Variants in UNC45A observed in about 807,000 individuals in gnomAD.
UNC45A encodes unc-45 myosin chaperone A, also known as protein unc-45 homolog A.
In UNC45A, 78 loss-of-function variants were observed where a neutral mutation model predicts 103.2. That is an observed-to-expected ratio of 0.76 (90% CI 0.63 to 0.91). The LOEUF (loss-of-function observed/expected upper bound fraction) is 0.91, where lower values mean the gene tolerates loss of function less well. Ranked by LOEUF, UNC45A falls within the 40% of genes least tolerant of loss-of-function variation. The pLI is 0.00. For missense variants in UNC45A, 1,193 were observed against 1,224.8 expected, an observed-to-expected ratio of 0.97 and a Z score of 0.39; for synonymous variants, 495 against 504.6, an observed-to-expected ratio of 0.98 and a Z score of 0.25.
chr15:90,941,913 C>A lies in UNC45A; in HGVS notation c.688-524C>A, dbSNP rs767007044. Among the ~76,000 whole-genome samples the A allele has an allele frequency of 8.4e-4, 125 of 148,710 alleles. 2 individuals are homozygous for A. The highest frequency in any genetic ancestry group is 2.8e-4 in the Non-Finnish European group (19 of 67,554). Reference sequence around the variant, plus strand: ...GGTGGAGCTTGCAGTGAGCCCAGATCGCGCTACTGCACTCCAGCCTGGGCG... The same window carrying A: ...GGTGGAGCTTGCAGTGAGCCCAGATAGCGCTACTGCACTCCAGCCTGGGCG... On this transcript the variant is annotated intron_variant, in intron 6 of 19. Transcript: ENST00000418476.
At chr15:90,940,538 C>T (rs2036240727) in intron 6 of UNC45A, 65 bp downstream of exon 6, 1 of 1,547,658 alleles carries the variant, frequency 6.5e-7, no homozygotes. Flanking sequence ...TCCATTCCTC[C>T]ATCCACCCAT....
intron 17 of UNC45A, chr15:90,952,233 C>G (rs1234264131): frequency 6.6e-6 from 1 of 152,246 alleles, no homozygotes; most frequent in Non-Finnish European, 1.5e-5. Flanking sequence ...ATACCTGAGA[C>G]TGGGTAATTT....
Position 90,948,698 on chromosome 15 carries a change from G to A in UNC45A, c.1782G>A (p.Val594=). 1 of 1,614,026 alleles carries A rather than the reference G, an allele frequency of 6.2e-7. No homozygotes were observed. The highest frequency in any genetic ancestry group is 8.5e-7 in the Non-Finnish European group (1 of 1,180,016). Residue 594 remains valine (V), a synonymous_variant, in exon 13 of 20, where the codon GTG becomes GTA. Transcript: ENST00000418476. The part of the protein sequence containing the change: ...SVLFAVASAL[V]NCTNSYDYEE... ...TCTTTGCGGTGGCCTCAGCGCTGGT[G>A]AACTGCACCAACAGCTATGACTACG...
rs187993840 is a variant in UNC45A at position 90,953,910 on chromosome 15, G to A, written c.*194G>A. ...CACACAGCCCTGCTTGGCCAGCACT[G>A]CCTGCAGCCTCACTCAGAGGGGCCC... On this transcript the variant is annotated 3_prime_UTR_variant, in exon 20 of 20. Transcript: ENST00000418476. The A allele has an allele frequency of 4.3e-5, 32 of 750,504 alleles. No homozygotes were observed. The East Asian group carries it at 8.7e-4, about 21-fold the overall frequency. 46.5% of individuals were successfully genotyped at this position (750,504 alleles called of 1,614,324 possible). A position where few individuals can be genotyped will look rare whatever the true frequency, so the allele number is the denominator to read the frequency against.
Position 90,939,733 on chromosome 15 carries a change from G to A in UNC45A, c.429G>A (p.Val143=). 6.2e-7 allele frequency: 1 copy of A among 1,614,150 alleles called. No individual in the cohort carries two copies. Among genetic ancestry groups the A allele is most frequent in the Non-Finnish European group, 8.5e-7 (1 of 1,180,024 alleles). ...CCATGCTTTGTTGGTTTGTCTAGGT[G>A]CGATACATGTCCTCGACGGATGCCA... ...RNIGGQIQEK[V]RYMSSTDAKV... The change falls in exon 5 of 20, where the codon GTG becomes GTA. Residue 143 remains valine, a splice_region_variant and synonymous_variant. Transcript: ENST00000418476.
At chr15:90,931,330 C>T (rs748980570), upstream of UNC45A, 56 of 1,551,590 alleles carry the variant, frequency 3.6e-5, no homozygotes, top group East Asian at 3.2e-4. Flanking sequence ...TTCCAGTTGC[C>T]GGTTTGTTCC....
Position 90,946,807 on chromosome 15 carries a change from G to A in UNC45A, c.1393G>A (p.Ala465Thr), listed in dbSNP as rs1567157529. Reference sequence around the variant, plus strand: ...GGCCGTGGAGGCTCTGATCCATGCAGCCGGCAAGGCTAAGCGGGCCTCATT... The same window carrying A: ...GGCCGTGGAGGCTCTGATCCATGCAACCGGCAAGGCTAAGCGGGCCTCATT... ...LVAVEALIHA[A>T]GKAKRASFIT... The change falls in exon 10 of 20, where the codon GCC (alanine) becomes ACC (threonine). Residue 465 changes from alanine (A) to threonine (T), a missense_variant. Coordinates refer to ENST00000418476, the MANE Select transcript of UNC45A (RefSeq NM_018671.5). The A allele has an allele frequency of 7.4e-6, 12 of 1,614,246 alleles. No homozygotes were observed. The highest frequency in any genetic ancestry group is 1.0e-5 in the Non-Finnish European group (12 of 1,180,044).
At chr15:90,951,225 T>C (rs1014234370) in intron 17 of UNC45A, among the ~76,000 whole-genome samples, 2 of 152,222 alleles carry the variant, frequency 1.3e-5, no homozygotes, top group Non-Finnish European at 2.9e-5. Flanking sequence ...CAGGCTGGTC[T>C]AGATCTCCTG....
rs1272173735 is a variant in UNC45A at position 90,948,696 on chromosome 15, G to A, written c.1780G>A (p.Val594Met). The A allele has an allele frequency of 1.2e-6, 2 of 1,614,038 alleles. No homozygotes were observed. The highest frequency in any genetic ancestry group is 1.1e-5 in the South Asian group (1 of 91,076). ...SVLFAVASAL[V>M]NCTNSYDYEE... is the part of the protein sequence containing the mutation. ...GCTCTTTGCGGTGGCCTCAGCGCTG[G>A]TGAACTGCACCAACAGCTATGACTA... is the stretch of plus-strand genomic sequence containing the variant. The change falls in exon 13 of 20, where the codon GTG becomes ATG. Residue 594 changes from valine (V) to methionine (M), a missense_variant. Coordinates refer to ENST00000418476, the MANE Select transcript of UNC45A (RefSeq NM_018671.5).
intron 4 of UNC45A, among the ~76,000 whole-genome samples, chr15:90,937,894 T>G (rs1480752201): frequency 6.6e-6 from 1 of 152,178 alleles, no homozygotes; most frequent in East Asian, 1.9e-4. Flanking sequence ...CCTCCCGGGC[T>G]CAAGCAGTCC....
chr15:90,944,033 T>C (rs967348404), intron 8 of UNC45A, among the ~76,000 whole-genome samples: 1 of 139,600 alleles, frequency 7.2e-6, no homozygotes, highest in African/African-American at 2.7e-5. Flanking sequence ...CATGTATTAC[T>C]TCTATACTCA....
In UNC45A at chr15:90,945,056, T is replaced by C. The variant is rs372907396; in HGVS notation, c.1192T>C (p.Tyr398His). Residue 398 changes from tyrosine (Y) to histidine (H), a missense_variant, in exon 9 of 20, where the codon TAC becomes CAC. Coordinates refer to ENST00000418476, the MANE Select transcript of UNC45A (RefSeq NM_018671.5). ...RENFHRLCEN[Y>H]IKSWFEGQGL... The stretch of plus-strand genomic sequence containing the variant: ...GAATTTCCACAGACTTTGTGAAAAC[T>C]ACATCAAGTAAGGAAGTCTGTTTCA... 3.7e-6 allele frequency: 6 copies of C among 1,612,600 alleles called. No individual in the cohort carries two copies. The highest frequency in any genetic ancestry group is 5.1e-6 in the Non-Finnish European group (6 of 1,179,918).
upstream of UNC45A, chr15:90,931,413 A>C (rs764514278): frequency 1.3e-6 from 2 of 1,594,712 alleles, no homozygotes; most frequent in South Asian, 2.2e-5. Flanking sequence ...ATCCTGCATA[A>C]GAGTCGACAG....
intron 17 of UNC45A, chr15:90,952,677 G>C (rs1024677108): frequency 2.2e-6 from 1 of 452,104 alleles, no homozygotes. Context: ...TGCCTGCCTC[G>C]GCCTTCCAGA....
upstream of UNC45A, chr15:90,931,386 G>A: frequency 1.3e-6 from 2 of 1,565,938 alleles, no homozygotes; most frequent in Non-Finnish European, 1.7e-6. Flanking sequence ...AGTATTCCTG[G>A]ACTCGATGTT....
At chr15:90,950,471 A>G (rs374026394) in intron 16 of UNC45A, 29 bp from the exon 17 acceptor site, 30 of 1,609,602 alleles carry the variant, frequency 1.9e-5, no homozygotes, top group Non-Finnish European at 2.5e-5. Flanking sequence ...TGCGGCAAGT[A>G]CCCCTGACAG....
chr15:90,936,359 G>A lies in UNC45A; in HGVS notation c.325G>A (p.Asp109Asn). 6.2e-7 allele frequency: 1 copy of A among 1,614,228 alleles called. No homozygotes were observed. Among genetic ancestry groups the A allele is most frequent in the Non-Finnish European group, 8.5e-7 (1 of 1,180,036 alleles). The change falls in exon 4 of 20, where the codon GAC becomes AAC. Residue 109 changes from aspartate to asparagine, a missense_variant. Coordinates refer to ENST00000418476, the MANE Select transcript of UNC45A (RefSeq NM_018671.5). ...SQALEKLGRL[D>N]QAVLDLQRCV... ...AGCCCTAGAGAAGCTGGGCCGCCTGGACCAGGCTGTCCTTGACCTGCAGAG... is the reference window on the plus strand; with the variant it reads ...AGCCCTAGAGAAGCTGGGCCGCCTGAACCAGGCTGTCCTTGACCTGCAGAG...
At chr15:90,938,216 C>G (rs2036116791) in intron 4 of UNC45A, among the ~76,000 whole-genome samples, 2 of 152,164 alleles carry the variant, frequency 1.3e-5, no homozygotes, top group Non-Finnish European at 2.9e-5. Flanking sequence ...CCAAAGGAGA[C>G]TGCATCACCT....
chr15:90,932,829 C>A, upstream of UNC45A: 1 of 343,278 alleles, frequency 2.9e-6, no homozygotes. Flanking sequence ...GGAAGACAGA[C>A]AAGAAATAAG....
Sources: gnomAD v4.1 joint callset for allele counts (sites outside exome capture counted in the v4.1 genomes callset) on GRCh38, gnomAD v4.1.1 for gene constraint, MANE v1.5 for transcripts, NCBI Gene and HGNC (gene_info 2026-07-23, HGNC 2026-07-21) for gene names.